NLRP5: variants seen among roughly 807,000 people sequenced by gnomAD.
The protein encoded by NLRP5 is NLR family pyrin domain containing 5, also known as NACHT, LRR and PYD domains-containing protein 5.
NLRP5 carries 93 observed loss-of-function variants against 113.1 expected under a neutral mutation model. The observed-to-expected ratio is 0.82, with a 90% CI of 0.70 to 0.98. NLRP5 has a LOEUF of 0.98. NLRP5 is among the 50% of genes least tolerant of loss of function. NLRP5 has a pLI of 0.00. For missense variants in NLRP5, 1,808 were observed against 1,514.3 expected (o/e 1.19, Z -3.22); for synonymous variants, 751 against 600.7 (o/e 1.25, Z -3.66).
At chr19:56,042,365 A>G (rs1983552176) in intron 11 of NLRP5, among the ~76,000 whole-genome samples, 1 of 151,920 alleles carries the variant, frequency 6.6e-6, no homozygotes, top group African/African-American at 2.4e-5. Context: ...TTGTGTTTTG[A>G]GACAGTTTGG....
At chr19:56,043,760 G>T (rs1377777191) in intron 11 of NLRP5, among the ~76,000 whole-genome samples, 2 of 151,238 alleles carry the variant, frequency 1.3e-5, no homozygotes, top group Non-Finnish European at 2.9e-5. Context: ...TGTGTTTTTA[G>T]TAGAGACAGG....
At chr19:56,049,166 A>T (rs1343686338) in intron 11 of NLRP5, among the ~76,000 whole-genome samples, 1 of 139,426 alleles carries the variant, frequency 7.2e-6, no homozygotes, top group Non-Finnish European at 1.5e-5. Flanking sequence ...TTTATTTTTT[A>T]TATTTATTTA....
chr19:56,055,238 G>A (rs867834004), intron 13 of NLRP5, among the ~76,000 whole-genome samples: 5 of 151,434 alleles, frequency 3.3e-5, no homozygotes, highest in African/African-American at 1.2e-4. Context: ...GTGATCCGCC[G>A]GCCTCAGCCT....
chr19:55,998,714 G>GTA (rs1555762453), upstream of NLRP5, among the ~76,000 whole-genome samples: 202 of 75,904 alleles, frequency 2.7e-3, 4 homozygotes, highest in African/African-American at 4.8e-3. Flanking sequence ...GTGTGTGTGT[G>GTA]TATATATATA....
chr19:56,008,138 C>A lies in NLRP5; in HGVS notation c.443-650C>A, dbSNP rs192499211. Among the ~76,000 whole-genome samples the A allele has an allele frequency of 9.8e-3, 1,482 of 151,102 alleles. 45 individuals carry two copies. The highest frequency in any genetic ancestry group is 0.069 in the East Asian group (354 of 5,112). ...AGAGACGGGGTTTCACCATGTTAGC[C>A]AGGATGGTCTCGATCTCCTGACCTC... On this transcript the variant is annotated intron_variant, in intron 2 of 14. Coordinates refer to ENST00000390649, the MANE Select transcript of NLRP5 (RefSeq NM_153447.4).
chr19:55,987,817 T>A, the NLRP5 span: 1 of 1,613,138 alleles, frequency 6.2e-7, no homozygotes, highest in Non-Finnish European at 8.5e-7. Context: ...CCTCCAGCTG[T>A]ATTCCTGCCT....
intron 6 of NLRP5, among the ~76,000 whole-genome samples, chr19:56,024,513 GTGTATGTATATGTATA>G (rs200596504): frequency 0.25 from 23,321 of 92,244 alleles, 2,062 homozygotes; most frequent in South Asian, 0.41. Flanking sequence ...ATATGTATAT[GTGTATGTATATGTATA>G]CATATGTATA....
At chr19:56,025,067 G>A (rs1279445132) in intron 6 of NLRP5, among the ~76,000 whole-genome samples, 1 of 151,924 alleles carries the variant, frequency 6.6e-6, no homozygotes, top group African/African-American at 2.4e-5. Context: ...AGAATCTAAT[G>A]CCTGATGATC....
chr19:56,026,847 A>G (rs981513700), intron 6 of NLRP5, 66 bp from the exon 7 acceptor site: 1 of 1,480,074 alleles, frequency 6.8e-7, no homozygotes, highest in Non-Finnish European at 9.1e-7. Context: ...CAGTGCTGGG[A>G]TGACAGGTGC....
Position 56,015,795 on chromosome 19 carries a change from C to A in NLRP5, c.562C>A (p.Gln188Lys). ...TGCCACAGCTGCAGAGACAAAAGAA[C>A]AAGGTGAATGAAATAGATCTATTCA... Residue 188 changes from glutamine (Q) to lysine (K), a missense_variant, in exon 4 of 15, where the codon CAA (glutamine) becomes AAA (lysine). Transcript: ENST00000390649. The A allele has an allele frequency of 1.9e-6, 3 of 1,565,954 alleles. No individual in the cohort carries two copies. The highest frequency in any genetic ancestry group is 2.6e-6 in the Non-Finnish European group (3 of 1,154,236).
intron 11 of NLRP5, among the ~76,000 whole-genome samples, chr19:56,046,585 G>A (rs1983736083): frequency 6.6e-6 from 1 of 151,984 alleles, no homozygotes; most frequent in Non-Finnish European, 1.5e-5. Flanking sequence ...CTGTCGCCCA[G>A]GCTGGAGTGC....
intron 6 of NLRP5, 45 bp downstream of exon 6, chr19:56,020,476 G>T (rs1205164708): frequency 1.9e-6 from 3 of 1,586,188 alleles, no homozygotes; most frequent in South Asian, 2.2e-5. Flanking sequence ...CTGGAAGAAA[G>T]TTGGGTGAAA....
At chr19:55,996,015 A>T (rs1255482714), upstream of NLRP5, among the ~76,000 whole-genome samples, 2 of 144,052 alleles carry the variant, frequency 1.4e-5, no homozygotes, top group African/African-American at 2.6e-5. Flanking sequence ...ACTTTACTGA[A>T]TTCCTTTATC....
intron 12 of NLRP5, among the ~76,000 whole-genome samples, chr19:56,052,977 A>G (rs938493756): frequency 6.6e-6 from 1 of 152,216 alleles, no homozygotes; most frequent in Admixed American, 6.5e-5. Flanking sequence ...CATGCCTGTA[A>G]TCCCAGCTAC....
chr19:56,013,919 T>C (rs1216803546), intron 3 of NLRP5, among the ~76,000 whole-genome samples: 45 of 152,162 alleles, frequency 3.0e-4, no homozygotes, highest in Non-Finnish European at 1.5e-5. Context: ...TTCAGAATCT[T>C]TTCGTGTGCT....
At chr19:56,025,758 C>G (rs1358050723) in intron 6 of NLRP5, among the ~76,000 whole-genome samples, 1 of 151,972 alleles carries the variant, frequency 6.6e-6, no homozygotes. Flanking sequence ...TGGGGGAAAC[C>G]AAGGGATGGA....
intron 4 of NLRP5, among the ~76,000 whole-genome samples, chr19:56,016,883 A>T (rs995036787): frequency 1.3e-5 from 2 of 152,044 alleles, no homozygotes; most frequent in Non-Finnish European, 2.9e-5. Context: ...ATCTCAGCTC[A>T]CTGCAAGCTC....
chr19:56,044,696 CTTTT>C (rs199958894), intron 11 of NLRP5, among the ~76,000 whole-genome samples: 1 of 152,000 alleles, frequency 6.6e-6, no homozygotes, highest in Non-Finnish European at 1.5e-5. Context: ...CATGCTGGCT[CTTTT>C]TTTGGTTCCA....
In NLRP5 at chr19:56,033,579, C is replaced by T. The variant is rs1983203391; in HGVS notation, c.2485C>T (p.Leu829Phe). The change falls in exon 9 of 15, where the codon CTC becomes TTC. Residue 829 changes from leucine to phenylalanine, a missense_variant. Transcript: ENST00000390649. ...ACAGATTACCCCTGGTGTGCAGCAC[C>T]TCTGGAGAATCGTCATGGCCAACCG... The T allele has an allele frequency of 6.2e-7, 1 of 1,613,828 alleles. No homozygotes were observed. Among genetic ancestry groups the T allele is most frequent in the Non-Finnish European group, 8.5e-7 (1 of 1,179,790 alleles).
Sources: allele counts gnomAD v4.1 joint callset (sites outside exome capture counted in the v4.1 genomes callset), GRCh38; gene constraint gnomAD v4.1.1; transcripts MANE v1.5; gene names NCBI Gene and HGNC (gene_info 2026-07-23, HGNC 2026-07-21).